EPHB6: variants seen among roughly 807,000 people sequenced by gnomAD.
EPHB6 encodes ephrin type-B receptor 6.
EPHB6 carries 51 observed loss-of-function variants against 107.0 expected under a neutral mutation model. The ratio of observed to expected loss-of-function variants is 0.48; its 90% CI spans 0.38 to 0.60. The LOEUF (loss-of-function observed/expected upper bound fraction) is 0.60. Ranked by LOEUF, EPHB6 falls within the 20% of genes least tolerant of loss-of-function variation. The pLI is 0.00. For missense variants in EPHB6, 1,141 were observed against 1,355.5 expected, an observed-to-expected ratio of 0.84 and a Z score of 2.48; for synonymous variants, 553 against 549.0, an observed-to-expected ratio of 1.01 and a Z score of -0.10.
In EPHB6 at chr7:142,863,810, C is replaced by T; in HGVS notation, c.165+115C>T. 3 of 1,471,918 alleles carry T rather than the reference C, an allele frequency of 2.0e-6. No homozygotes were observed. The Admixed American group carries it at 5.1e-5, about 25-fold the overall frequency. 91.2% of individuals were successfully genotyped at this position (1,471,918 alleles called of 1,614,324 possible). A position where few individuals can be genotyped will look rare whatever the true frequency, so the allele number is the denominator to read the frequency against. On this transcript the variant is annotated intron_variant, in intron 6 of 19. Transcript: ENST00000652003. ...TGAGGATTATGGGAAAAGGATCCCT[C>T]CCTCTAGAGCACCAAGATTTCAAGG...
intron 1 of EPHB6, among the ~76,000 whole-genome samples, chr7:142,857,615 C>T (rs1032360175): frequency 5.9e-5 from 9 of 152,216 alleles, no homozygotes; most frequent in Non-Finnish European, 1.0e-4. Flanking sequence ...CCTCGAACCG[C>T]TTTGCCCTTG....
At chr7:142,865,105 G>A (rs917462424) in intron 7 of EPHB6, among the ~76,000 whole-genome samples, 5 of 152,088 alleles carry the variant, frequency 3.3e-5, no homozygotes, top group Non-Finnish European at 7.4e-5. Flanking sequence ...TCCCTGCCTC[G>A]CTGGGCCAGG....
chr7:142,865,982 G>T lies in EPHB6; in HGVS notation c.1128G>T (p.Glu376Asp), dbSNP rs1295466189. Residue 376 changes from glutamate (E) to aspartate (D), a missense_variant, in exon 9 of 20, where the codon GAG (glutamate) becomes GAT (aspartate). By Grantham distance (45) the Glu-to-Asp change is conservative. Transcript: ENST00000652003. ...CAGGTCCTCCATCGGCTCCCCAGGA[G>T]CTTTGGTTTGAGGTGCAAGGCTCAG... ...PCTGPPSAPQ[E>D]LWFEVQGSAL... 6.2e-7 allele frequency: 1 copy of T among 1,613,966 alleles called. No homozygotes were observed. The highest frequency in any genetic ancestry group is 1.7e-5 in the Admixed American group (1 of 60,030).
chr7:142,867,549 A>G lies in EPHB6; in HGVS notation c.1751-59A>G. 3 of 1,462,714 alleles carry G rather than the reference A, an allele frequency of 2.1e-6. No homozygotes were observed. The highest frequency in any genetic ancestry group is 1.2e-5 in the South Asian group (1 of 83,984). The allele number at this position is 1,462,714 out of a possible 1,614,324, so 90.6% of individuals were successfully genotyped here. On this transcript the variant is annotated intron_variant, in intron 11 of 19. Transcript: ENST00000652003. This position sits in a 1 kb window ranked among gnomAD's most constrained non-coding sequence, Gnocchi z 5.3. ...GTGGTGTGTGTGGGTGCCTGGGCAC[A>G]TGAACAAGCACCTGTGAGAGACCTG...
intron 3 of EPHB6, 114 bp downstream of exon 3, chr7:142,862,247 ATCT>A (rs1159957435): frequency 6.6e-6 from 1 of 152,184 alleles, no homozygotes; most frequent in East Asian, 1.9e-4. Flanking sequence ...TAATACCATC[ATCT>A]TGGGAGTTAG....
rs2116450405 is a variant in EPHB6, at chr7:142,866,598, A to G, written c.1580A>G (p.Tyr527Cys). 1.9e-6 allele frequency: 3 copies of G among 1,613,980 alleles called. No homozygotes were observed. Among genetic ancestry groups the G allele is most frequent in the Non-Finnish European group, 2.5e-6 (3 of 1,180,022 alleles). Residue 527 changes from tyrosine to cysteine, a missense_variant, in exon 10 of 20, where the codon TAT becomes TGT. This residue lies in a region of EPHB6 where 616 missense variants were observed against 759.3 expected (regional missense o/e 0.81). Coordinates refer to ENST00000652003, the MANE Select transcript of EPHB6 (RefSeq NM_004445.6). The surrounding 1 kb of genome is among the most constrained non-coding windows in gnomAD (Gnocchi z 5.2). ...GNILDYQLRY[Y>C]DQAEDESHSF... ...ATCCTGGACTATCAGCTCCGCTACT[A>G]TGACCAGGTGCGCAGGAGGAGTGGG...
intron 8 of EPHB6, 127 bp downstream of exon 8, chr7:142,865,757 C>A: frequency 1.5e-6 from 2 of 1,355,452 alleles, no homozygotes; most frequent in Non-Finnish European, 2.0e-6. Flanking sequence ...TTCTTGGCTT[C>A]CTCCCCTCCC....
In EPHB6 at chr7:142,870,400, G is replaced by A; in HGVS notation, c.2797G>A (p.Gly933Arg). The change falls in exon 18 of 20, where the codon GGG becomes AGG. Residue 933 changes from glycine (G) to arginine (R), a missense_variant. Gly to Arg is a moderately radical substitution (Grantham distance 125). Coordinates refer to ENST00000652003, the MANE Select transcript of EPHB6 (RefSeq NM_004445.6). ...PDTLQAGGDP[G>R]ERPSQALLTP... The stretch of plus-strand genomic sequence containing the variant: ...TACCCTGCAGGCTGGCGGGGACCCA[G>A]GGGAAAGGTCTGGAGCTTGGGGCTA... 1 of 1,614,096 alleles carries A rather than the reference G, an allele frequency of 6.2e-7. No individual in the cohort carries two copies. Among genetic ancestry groups the A allele is most frequent in the African/African-American group, 1.3e-5 (1 of 75,068 alleles).
chr7:142,864,445 G>A lies in EPHB6; in HGVS notation c.645G>A (p.Gln215=), dbSNP rs1803031561. Residue 215 remains glutamine (Q), a synonymous_variant, in exon 7 of 20, where the codon CAG becomes CAA. Coordinates refer to ENST00000652003, the MANE Select transcript of EPHB6 (RefSeq NM_004445.6). ...LTQRGFYVAF[Q]DTGACLALVA... ...AACGCGGCTTCTACGTGGCCTTCCAGGACACGGGGGCCTGCCTGGCCCTGG... is the reference window on the plus strand; with the variant it reads ...AACGCGGCTTCTACGTGGCCTTCCAAGACACGGGGGCCTGCCTGGCCCTGG... 1 of 1,612,406 alleles carries A rather than the reference G, an allele frequency of 6.2e-7. No homozygotes were observed. The highest frequency in any genetic ancestry group is 8.5e-7 in the Non-Finnish European group (1 of 1,179,506).
intron 1 of EPHB6, among the ~76,000 whole-genome samples, chr7:142,858,668 G>A (rs1285756576): frequency 6.8e-6 from 1 of 148,034 alleles, no homozygotes; most frequent in East Asian, 2.0e-4. Context: ...GGACGGTCTC[G>A]ATCTCCTGAT....
chr7:142,863,194 G>T lies in EPHB6; in HGVS notation c.-34G>T. 1 of 1,594,938 alleles carries T rather than the reference G, an allele frequency of 6.3e-7. No homozygotes were observed. Among genetic ancestry groups the T allele is most frequent in the Non-Finnish European group, 8.6e-7 (1 of 1,163,164 alleles). ...AGCCCCACCCAGGAGCAGGGTGGTG[G>T]CTGGGGCGATGGTGGACGCCCTGAA... On this transcript the variant is annotated 5_prime_UTR_variant, in exon 5 of 20. Transcript: ENST00000652003.
At position 142,855,290 on chromosome 7, in the gene EPHB6, G is replaced by A. The variant is rs1487996813; in HGVS notation, c.-527G>A. ...GGTGCAACGGGGTCCCCGGACTGGA[G>A]AAGACGCGGGTGGCACCGTGCGAGC... On this transcript the variant is annotated 5_prime_UTR_variant, in exon 1 of 20. Coordinates refer to ENST00000652003, the MANE Select transcript of EPHB6 (RefSeq NM_004445.6). This position sits in a 1 kb window ranked among gnomAD's most constrained non-coding sequence, Gnocchi z 4.2. 2 of 152,224 alleles carry A rather than the reference G, an allele frequency of 1.3e-5. No individual in the cohort carries two copies. Among genetic ancestry groups the A allele is most frequent in the African/African-American group, 2.4e-5 (1 of 41,450 alleles). 9.4% of individuals were successfully genotyped at this position (152,224 alleles called of 1,614,324 possible). A position where few individuals can be genotyped will look rare whatever the true frequency, so the allele number is the denominator to read the frequency against.
Position 142,868,883 on chromosome 7 carries a change from C to T in EPHB6, c.2287-91C>T, listed in dbSNP as rs1794751684. ...CAGCCATTTTCTGATTCGACACCCT[C>T]CCGCTCTCATGCTGTTGTCTGCTAT... On this transcript the variant is annotated intron_variant, in intron 15 of 19. Transcript: ENST00000652003. This position sits in a 1 kb window ranked among gnomAD's most constrained non-coding sequence, Gnocchi z 4.2. The T allele has an allele frequency of 1.3e-6, 2 of 1,587,386 alleles. No individual in the cohort carries two copies. The highest frequency in any genetic ancestry group is 1.3e-5 in the African/African-American group (1 of 74,398).
Position 142,866,516 on chromosome 7 carries a change from C to G in EPHB6, c.1498C>G (p.Arg500Gly). The change falls in exon 10 of 20, where the codon CGG becomes GGG. Residue 500 changes from arginine (R) to glycine (G), a missense_variant. Physicochemically the swap from Arg to Gly is moderately radical, Grantham distance 125 (BLOSUM62 -2). Around this residue, in one of 3 missense-constraint regions of EPHB6, gnomAD observed 616 missense variants for 759.3 expected, o/e 0.81. Coordinates refer to ENST00000652003, the MANE Select transcript of EPHB6 (RefSeq NM_004445.6). This position sits in a 1 kb window ranked among gnomAD's most constrained non-coding sequence, Gnocchi z 5.2. Reference sequence around the variant, plus strand: ...TGTCCCTGTGGTGCACCAGGTGAGCCGGGCATCCAACAGCATCACGGTGTC... The same window carrying G: ...TGTCCCTGTGGTGCACCAGGTGAGCGGGGCATCCAACAGCATCACGGTGTC... ...SAVPVVHQVSRASNSITVSWP... is the reference protein window; with the variant it reads ...SAVPVVHQVSGASNSITVSWP... The G allele has an allele frequency of 3.1e-6, 5 of 1,614,134 alleles. No individual in the cohort carries two copies. The highest frequency in any genetic ancestry group is 4.2e-6 in the Non-Finnish European group (5 of 1,180,036).
At position 142,864,654 on chromosome 7, in the gene EPHB6, T is replaced by G; in HGVS notation, c.854T>G (p.Leu285Arg). 5 of 1,612,812 alleles carry G rather than the reference T, an allele frequency of 3.1e-6. No individual in the cohort carries two copies. Among genetic ancestry groups the G allele is most frequent in the Non-Finnish European group, 4.2e-6 (5 of 1,179,860 alleles). Reference sequence around the variant, plus strand: ...CAGGCAGGAGGCAGCCCCCCCAGGCTGCACTGCAACGGGGAGGGCAAGTGG... The same window carrying G: ...CAGGCAGGAGGCAGCCCCCCCAGGCGGCACTGCAACGGGGAGGGCAAGTGG... ...GGQAGGSPPR[L>R]HCNGEGKWMV... is the part of the protein sequence containing the mutation. Residue 285 changes from leucine to arginine, a missense_variant, in exon 7 of 20, where the codon CTG becomes CGG. Leu to Arg is a moderately radical substitution (Grantham distance 102). Coordinates refer to ENST00000652003, the MANE Select transcript of EPHB6 (RefSeq NM_004445.6).
chr7:142,857,992 A>G (rs1802680524), intron 1 of EPHB6, among the ~76,000 whole-genome samples: 1 of 152,204 alleles, frequency 6.6e-6, no homozygotes, highest in Non-Finnish European at 1.5e-5. Context: ...TAGAAGGAAA[A>G]TGGCATGGGG....
In EPHB6 at chr7:142,866,182, A is replaced by G. The variant is rs865909902; in HGVS notation, c.1328A>G (p.Glu443Gly). The change falls in exon 9 of 20, where the codon GAG becomes GGG. Residue 443 changes from glutamate (E) to glycine (G), a missense_variant. Physicochemically the swap from Glu to Gly is moderately conservative, Grantham distance 98. Transcript: ENST00000652003. The surrounding 1 kb of genome is among the most constrained non-coding windows in gnomAD (Gnocchi z 5.2). The part of the protein sequence containing the change: ...HFDPRQRGLT[E>G]SRVLVGGLRA... ...GACCCTCGCCAGAGAGGCCTGACTG[A>G]GAGCCGAGTGTTAGTGGGGGGACTC... 6.2e-7 allele frequency: 1 copy of G among 1,614,104 alleles called. No homozygotes were observed. The highest frequency in any genetic ancestry group is 8.5e-7 in the Non-Finnish European group (1 of 1,180,028).
chr7:142,866,316 G>A lies in EPHB6; in HGVS notation c.1462G>A (p.Val488Met), dbSNP rs2116446694. 1.2e-6 allele frequency: 2 copies of A among 1,613,850 alleles called. No homozygotes were observed. The highest frequency in any genetic ancestry group is 1.7e-6 in the Non-Finnish European group (2 of 1,179,996). The change falls in exon 9 of 20, where the codon GTG becomes ATG. Residue 488 changes from valine (V) to methionine (M), a missense_variant and splice_region_variant. Transcript: ENST00000652003. The surrounding 1 kb of genome is among the most constrained non-coding windows in gnomAD (Gnocchi z 5.2). Reference protein sequence around the residue: ...AAINVSTSHEVPSAVPVVHQV... With the variant: ...AAINVSTSHEMPSAVPVVHQV... ...CATCAATGTCAGCACCAGCCATGAAGGTGAGCTCTTTTCCTTGGCCTTCAG... is the reference window on the plus strand; with the variant it reads ...CATCAATGTCAGCACCAGCCATGAAAGTGAGCTCTTTTCCTTGGCCTTCAG...
intron 1 of EPHB6, among the ~76,000 whole-genome samples, chr7:142,860,808 G>A (rs1586151447): frequency 6.6e-6 from 1 of 152,112 alleles, no homozygotes; most frequent in East Asian, 1.9e-4. Context: ...TAACTTCATG[G>A]ACAGCACAGC....
Sources: gnomAD v4.1 joint callset for allele counts (sites outside exome capture counted in the v4.1 genomes callset) on GRCh38, gnomAD v4.1.1 for gene constraint, gnomAD v4.1.1 regional missense constraint, Gnocchi (gnomAD v3.1) non-coding constraint, MANE v1.5 for transcripts, NCBI Gene and HGNC (gene_info 2026-07-23, HGNC 2026-07-21) for gene names.